Variants in TMTC4 observed in about 807,000 individuals in gnomAD.
The protein encoded by TMTC4 is transmembrane O-mannosyltransferase targeting cadherins 4.
A neutral mutation model predicts 86.0 loss-of-function variants in TMTC4; 65 were observed. That is an observed-to-expected ratio of 0.76 (90% CI 0.62 to 0.93). The LOEUF is 0.93. TMTC4 is among the 40% of genes least tolerant of loss of function. TMTC4 has a pLI of 0.00. For synonymous variants in TMTC4, 379 were observed against 382.5 expected (o/e 0.99, Z 0.11); for missense variants, 866 against 948.1 (o/e 0.91, Z 1.14).
intron 5 of TMTC4, among the ~76,000 whole-genome samples, chr13:100,661,952 T>C (rs1384865246): frequency 6.6e-6 from 1 of 152,120 alleles, no homozygotes. Context: ...TCAAATCTTG[T>C]CCCTCAGCAA....
intron 15 of TMTC4, among the ~76,000 whole-genome samples, chr13:100,617,893 G>A (rs1566568402): frequency 6.6e-6 from 1 of 152,186 alleles, no homozygotes; most frequent in African/African-American, 2.4e-5. Context: ...CAGTTTGATA[G>A]GAACAGTGTT....
At chr13:100,675,030 G>A (rs565330792), upstream of TMTC4, 4 of 985,560 alleles carry the variant, frequency 4.1e-6, no homozygotes, top group Non-Finnish European at 4.8e-6. Flanking sequence ...GCCAGGGGGC[G>A]CTAGTCGGCG....
chr13:100,635,004 G>T lies in TMTC4; in HGVS notation c.1374+20C>A. 1 of 1,609,264 alleles carries T rather than the reference G, an allele frequency of 6.2e-7. No individual in the cohort carries two copies. Among genetic ancestry groups the T allele is most frequent in the Non-Finnish European group, 8.5e-7 (1 of 1,176,692 alleles). On this transcript the variant is annotated intron_variant, in intron 11 of 18. Coordinates refer to ENST00000342624, the MANE Select transcript of TMTC4 (RefSeq NM_032813.5). Reference sequence around the variant, plus strand: ...ATCCGGTCATTCTGTTCATCAGCTGGCACCACTCTCAGTTGATACCTTTTT... The same window carrying T: ...ATCCGGTCATTCTGTTCATCAGCTGTCACCACTCTCAGTTGATACCTTTTT...
At chr13:100,610,635 T>C (rs1877413371) in intron 17 of TMTC4, among the ~76,000 whole-genome samples, 1 of 152,184 alleles carries the variant, frequency 6.6e-6, no homozygotes, top group South Asian at 2.1e-4. Context: ...CATTCTGCTT[T>C]ACAGAGTATT....
At position 100,637,697 on chromosome 13, in the gene TMTC4, G is replaced by A. The variant is rs1305128882; in HGVS notation, c.840C>T (p.Leu280=). ...VLHKDKSLEN[L]GMLRNGGLLF... ...GGAGGCCCCCGTTCCTGAGCATGCC[G>A]AGATTCTGCAAGGACATCGCAAAGC... is the stretch of plus-strand genomic sequence containing the variant. Residue 280 remains leucine, a synonymous_variant, in exon 9 of 19, where the codon CTC becomes CTT. Coordinates refer to ENST00000342624, the MANE Select transcript of TMTC4 (RefSeq NM_032813.5). 8 of 1,613,760 alleles carry A rather than the reference G, an allele frequency of 5.0e-6. No individual in the cohort carries two copies. Among genetic ancestry groups the A allele is most frequent in the South Asian group, 1.1e-5 (1 of 91,044 alleles).
At chr13:100,666,601 C>T (rs1242041165) in intron 3 of TMTC4, among the ~76,000 whole-genome samples, 1 of 152,186 alleles carries the variant, frequency 6.6e-6, no homozygotes, top group Non-Finnish European at 1.5e-5. Context: ...TTCTGCTTTA[C>T]ACAAGTGGAA....
intron 8 of TMTC4, 42 bp downstream of exon 8, chr13:100,637,888 A>T: frequency 1.3e-6 from 2 of 1,566,938 alleles, no homozygotes; most frequent in Non-Finnish European, 1.7e-6. Context: ...CTGGTACTTG[A>T]CATTTTCCAT....
chr13:100,604,796 A>G lies in TMTC4; in HGVS notation c.*198T>C. 1 of 485,422 alleles carries G rather than the reference A, an allele frequency of 2.1e-6. No individual in the cohort carries two copies. The highest frequency in any genetic ancestry group is 3.3e-6 in the Non-Finnish European group (1 of 303,474). 30.1% of individuals were successfully genotyped at this position (485,422 alleles called of 1,614,324 possible). On this transcript the variant is annotated 3_prime_UTR_variant, in exon 19 of 19. Transcript: ENST00000342624. ...CATTTGAGTTGTCTGAAAAAATACA[A>G]TTTCAATGAAAAATCATATCACGCA...
intron 15 of TMTC4, among the ~76,000 whole-genome samples, chr13:100,622,073 T>G (rs1015772831): frequency 3.9e-5 from 6 of 152,212 alleles, no homozygotes; most frequent in African/African-American, 1.4e-4. Context: ...GAAACTGGTT[T>G]CAACATCAAA....
chr13:100,644,298 T>A (rs541435845), intron 6 of TMTC4, among the ~76,000 whole-genome samples: 15 of 151,576 alleles, frequency 9.9e-5, no homozygotes, highest in Non-Finnish European at 2.1e-4. Flanking sequence ...AGAGACGGGG[T>A]TTCACCGTGT....
At position 100,664,264 on chromosome 13, in the gene TMTC4, T is replaced by C. The variant is rs74554757; in HGVS notation, c.292A>G (p.Thr98Ala). The change falls in exon 4 of 19, where the codon ACC becomes GCC. Residue 98 changes from threonine to alanine, a missense_variant. Coordinates refer to ENST00000342624, the MANE Select transcript of TMTC4 (RefSeq NM_032813.5). ...DFWGSRLSSN[T>A]SHKSYRPLTV... ...AGAGGCCGGTAGGACTTGTGGCTGG[T>C]GTTGCTGCTCAGTCTACTGCCCCAG... 5 of 1,598,076 alleles carry C rather than the reference T, an allele frequency of 3.1e-6. No individual in the cohort carries two copies. In the East Asian group the frequency reaches 9.2e-5, roughly 30 times the overall value.
chr13:100,648,864 T>C (rs138268990), intron 6 of TMTC4, among the ~76,000 whole-genome samples: 184 of 152,192 alleles, frequency 1.2e-3, no homozygotes, highest in African/African-American at 4.2e-3. Context: ...AAATTTTTAT[T>C]TTTGTCGAGA....
rs547890391 is a variant in TMTC4, at chr13:100,668,814, G to A, written c.4-20C>T. 6.5e-5 allele frequency: 104 copies of A among 1,611,450 alleles called. No homozygotes were observed. Among genetic ancestry groups the A allele is most frequent in the East Asian group, 4.2e-4 (19 of 44,858 alleles). ...AGGAATCTGCAGGAAAAACAACACT[G>A]TATAAATATTCATCAACACTGGTAG... On this transcript the variant is annotated intron_variant, in intron 2 of 18. Coordinates refer to ENST00000342624, the MANE Select transcript of TMTC4 (RefSeq NM_032813.5).
At position 100,625,812 on chromosome 13, in the gene TMTC4, T is replaced by C; in HGVS notation, c.1667A>G (p.Glu556Gly). ...KERNELQEAE[E>G]LLSLAVQIQP... ...TATTTGAACAGCCAAAGACAGCAGC[T>C]CCTCAGCTTCCTGTAGCTCATTCCT... Residue 556 changes from glutamate (E) to glycine (G), a missense_variant, in exon 14 of 19, where the codon GAG (glutamate) becomes GGG (glycine). By Grantham distance (98) the Glu-to-Gly change is moderately conservative. Transcript: ENST00000342624. 3.7e-6 allele frequency: 6 copies of C among 1,613,810 alleles called. No individual in the cohort carries two copies. Among genetic ancestry groups the C allele is most frequent in the Non-Finnish European group, 5.1e-6 (6 of 1,180,030 alleles).
chr13:100,662,298 A>G (rs2791677), intron 5 of TMTC4, among the ~76,000 whole-genome samples: 105,633 of 147,802 alleles, frequency 0.71, 38,650 homozygotes, highest in East Asian at 0.98. Context: ...AGCAGAGTGC[A>G]GGCACCGCTT....
At chr13:100,615,547 A>G (rs1246468438) in intron 15 of TMTC4, among the ~76,000 whole-genome samples, 1 of 152,048 alleles carries the variant, frequency 6.6e-6, no homozygotes, top group East Asian at 1.9e-4. Flanking sequence ...CTGCCTCCCA[A>G]GTTCGAACAA....
intron 15 of TMTC4, among the ~76,000 whole-genome samples, chr13:100,620,007 TTA>T (rs1441644020): frequency 8.5e-5 from 13 of 152,240 alleles, no homozygotes; most frequent in African/African-American, 2.9e-4. Context: ...CAGATAAAAT[TTA>T]GTTTCATTTT....
At chr13:100,654,000 C>T (rs949998374) in intron 6 of TMTC4, among the ~76,000 whole-genome samples, 9 of 152,212 alleles carry the variant, frequency 5.9e-5, no homozygotes, top group East Asian at 1.9e-4. Flanking sequence ...GTGACTCCAT[C>T]GGCTCCATTT....
intron 3 of TMTC4, chr13:100,666,001 A>G (rs746660793): frequency 2.2e-6 from 1 of 456,656 alleles, no homozygotes; most frequent in South Asian, 1.5e-5. Flanking sequence ...GTACCCGGTC[A>G]GCTGTGAAGG....
Sources: gnomAD v4.1 joint callset for allele counts (sites outside exome capture counted in the v4.1 genomes callset) on GRCh38, gnomAD v4.1.1 for gene constraint, MANE v1.5 for transcripts, NCBI Gene and HGNC (gene_info 2026-07-23, HGNC 2026-07-21) for gene names.